Variants in IQUB observed in about 807,000 individuals in gnomAD.
IQUB encodes IQ motif and ubiquitin domain containing, also known as IQ motif and ubiquitin-like domain-containing protein.
IQUB carries 86 observed loss-of-function variants against 86.4 expected under a neutral mutation model. That is an observed-to-expected ratio of 1.00 (90% CI 0.84 to 1.19). The LOEUF (loss-of-function observed/expected upper bound fraction) is 1.19. Among genes scored for constraint, IQUB ranks in the 50% most tolerant of loss-of-function variants. The pLI, the probability that IQUB is intolerant of heterozygous loss-of-function variation, is 0.00. For missense variants in IQUB, 946 were observed against 916.9 expected (o/e 1.03, Z -0.41); for synonymous variants, 289 against 304.5 (o/e 0.95, Z 0.53).
Position 123,457,639 on chromosome 7 carries a change from T to C in IQUB, c.2008-73A>G. On this transcript the variant is annotated intron_variant, in intron 11 of 12. Transcript: ENST00000324698. ...AAGATTATTATATTACTTGAGCAAATAATTAAATTATAGAGTATTTTTAAG... is the reference window on the plus strand; with the variant it reads ...AAGATTATTATATTACTTGAGCAAACAATTAAATTATAGAGTATTTTTAAG... The C allele has an allele frequency of 9.2e-6, 10 of 1,090,086 alleles. No individual in the cohort carries two copies. In the South Asian group the frequency reaches 1.4e-4, roughly 16 times the overall value. The allele number at this position is 1,090,086 out of a possible 1,614,324, so 67.5% of individuals were successfully genotyped here.
intron 6 of IQUB, 59 bp downstream of exon 6, chr7:123,502,538 G>T (rs1329028951): frequency 6.8e-7 from 1 of 1,466,224 alleles, no homozygotes. Context: ...AGACACACTC[G>T]GAACAACTGG....
chr7:123,502,423 T>G (rs1795986184), intron 6 of IQUB, 174 bp downstream of exon 6: 5 of 588,812 alleles, frequency 8.5e-6, no homozygotes, highest in Non-Finnish European at 1.5e-5. Context: ...AGGATGCTGG[T>G]TCTTTACATG....
rs757437227 is a variant in IQUB, at chr7:123,461,618, T to TAA, written c.1759-15_1759-14dup. 1.2e-5 allele frequency: 18 copies of TAA among 1,537,260 alleles called. No individual in the cohort carries two copies. Among genetic ancestry groups the TAA allele is most frequent in the Admixed American group, 6.4e-5 (3 of 46,560 alleles). On this transcript the variant is annotated splice_polypyrimidine_tract_variant and intron_variant, in intron 10 of 12. Transcript: ENST00000324698. ...GGTCTTGAGGGACCTAAATAAATAG[T>TAA]AAAAAAAGAAAAAAAAGGTCTAAAA...
chr7:123,510,949 G>A (rs1796388673), intron 2 of IQUB, among the ~76,000 whole-genome samples: 1 of 152,092 alleles, frequency 6.6e-6, no homozygotes, highest in South Asian at 2.1e-4. Context: ...GGAGGTAAAG[G>A]ACCAAGACAA....
rs777619928 is a variant in IQUB at position 123,512,322 on chromosome 7, TCTC to T, written c.16_18del (p.Glu6del). 7.7e-6 allele frequency: 12 copies of T among 1,566,206 alleles called. No homozygotes were observed. Among genetic ancestry groups the T allele is most frequent in the East Asian group, 6.8e-5 (3 of 43,970 alleles). ...TTGACTATATTCTGAGCTTCATACT[TCTC>T]CTGTTGATTAGACATTTTCCTGAAT... On this transcript the variant is annotated inframe_deletion, in exon 2 of 13. Coordinates refer to ENST00000324698, the MANE Select transcript of IQUB (RefSeq NM_178827.5).
chr7:123,480,641 A>T (rs1353463302), intron 7 of IQUB, among the ~76,000 whole-genome samples: 1 of 151,826 alleles, frequency 6.6e-6, no homozygotes, highest in Non-Finnish European at 1.5e-5. Context: ...TCTCCCCTTT[A>T]TCTTTCACTT....
chr7:123,491,678 T>C (rs1795472308), intron 7 of IQUB, among the ~76,000 whole-genome samples: 1 of 152,190 alleles, frequency 6.6e-6, no homozygotes, highest in Admixed American at 6.6e-5. Context: ...ATTAAAGAAT[T>C]GAATTTATAG....
rs779912534 is a variant in IQUB at position 123,503,005 on chromosome 7, C to T, written c.806G>A (p.Gly269Glu). The change falls in exon 5 of 13, where the codon GGA (glycine) becomes GAA (glutamate). Residue 269 changes from glycine to glutamate, a missense_variant. Gly to Glu is a moderately conservative substitution (Grantham distance 98). Transcript: ENST00000324698. Reference sequence around the variant, plus strand: ...AATCCTTTTAGGTACAGTTTGTGTTCCAGCATTGTGATACTCTACTCCTGT... The same window carrying T: ...AATCCTTTTAGGTACAGTTTGTGTTTCAGCATTGTGATACTCTACTCCTGT... ...KVTGVEYHNA[G>E]TQTVPKRIPE... 6.2e-7 allele frequency: 1 copy of T among 1,613,036 alleles called. No homozygotes were observed. The highest frequency in any genetic ancestry group is 1.1e-5 in the South Asian group (1 of 91,010).
chr7:123,534,226 G>A (rs774273583), intron 1 of IQUB, among the ~76,000 whole-genome samples: 2 of 152,208 alleles, frequency 1.3e-5, no homozygotes, highest in African/African-American at 4.8e-5. Flanking sequence ...CAGGGTGTGA[G>A]GTGAGGTGTA....
Position 123,457,491 on chromosome 7 carries a change from C to A in IQUB, c.2083G>T (p.Asp695Tyr). 2 of 1,611,300 alleles carry A rather than the reference C, an allele frequency of 1.2e-6. No homozygotes were observed. The highest frequency in any genetic ancestry group is 2.2e-5 in the South Asian group (2 of 90,616). ...TTATTCCATCTGACCATGACCAGATCACTGAGATTGTCGCAAGCACTGAGG... is the reference window on the plus strand; with the variant it reads ...TTATTCCATCTGACCATGACCAGATAACTGAGATTGTCGCAAGCACTGAGG... ...SVLSACDNLSDLVMVRWNKSL... is the reference protein window; with the variant it reads ...SVLSACDNLSYLVMVRWNKSL... The change falls in exon 12 of 13, where the codon GAT (aspartate) becomes TAT (tyrosine). Residue 695 changes from aspartate (D) to tyrosine (Y), a missense_variant. Coordinates refer to ENST00000324698, the MANE Select transcript of IQUB (RefSeq NM_178827.5).
chr7:123,488,193 T>C (rs1221707864), intron 7 of IQUB, among the ~76,000 whole-genome samples: 1 of 151,384 alleles, frequency 6.6e-6, no homozygotes, highest in East Asian at 2.0e-4. Flanking sequence ...ATAAAAAAAT[T>C]ATCCGGGCGC....
chr7:123,523,529 T>G (rs1438596514), intron 1 of IQUB, among the ~76,000 whole-genome samples: 2 of 152,324 alleles, frequency 1.3e-5, no homozygotes, highest in African/African-American at 4.8e-5. Flanking sequence ...TCATCTCCTT[T>G]GCCCACTTTT....
At chr7:123,479,280 T>C (rs200420304) in intron 8 of IQUB, among the ~76,000 whole-genome samples, 2 of 152,262 alleles carry the variant, frequency 1.3e-5, no homozygotes, top group South Asian at 2.1e-4. Flanking sequence ...CTTTAGTTTT[T>C]TTCCTTAATT....
chr7:123,516,948 A>G (rs892459151), intron 1 of IQUB, among the ~76,000 whole-genome samples: 5 of 152,172 alleles, frequency 3.3e-5, no homozygotes, highest in African/African-American at 1.2e-4. Context: ...GTCAGAATAG[A>G]TAAGACTCCT....
intron 1 of IQUB, among the ~76,000 whole-genome samples, chr7:123,525,667 A>C (rs1371760672): frequency 1.3e-5 from 2 of 151,856 alleles, no homozygotes; most frequent in Non-Finnish European, 2.9e-5. Flanking sequence ...TGGATTCATT[A>C]ATTTTTTGAA....
At chr7:123,506,148 C>T (rs1300346176) in intron 3 of IQUB, among the ~76,000 whole-genome samples, 1 of 152,200 alleles carries the variant, frequency 6.6e-6, no homozygotes, top group Non-Finnish European at 1.5e-5. Context: ...ATGAGTTCCT[C>T]ATTTCCATCT....
chr7:123,493,438 G>A (rs1304754275), intron 7 of IQUB, among the ~76,000 whole-genome samples: 1 of 152,116 alleles, frequency 6.6e-6, no homozygotes, highest in African/African-American at 2.4e-5. Flanking sequence ...TTATGAGGGA[G>A]AGAGAGATTG....
intron 12 of IQUB, among the ~76,000 whole-genome samples, chr7:123,454,473 T>C (rs1247573674): frequency 6.6e-6 from 1 of 152,084 alleles, no homozygotes; most frequent in African/African-American, 2.4e-5. Flanking sequence ...TATACTTACA[T>C]ACACATAGAA....
chr7:123,471,628 GT>G (rs1443771364), intron 8 of IQUB, among the ~76,000 whole-genome samples: 1 of 145,988 alleles, frequency 6.8e-6, no homozygotes, highest in African/African-American at 2.6e-5. Flanking sequence ...ATTTAACTCT[GT>G]TTTCCCCCCC....
Sources: gnomAD v4.1 joint callset for allele counts (sites outside exome capture counted in the v4.1 genomes callset) on GRCh38, gnomAD v4.1.1 for gene constraint, MANE v1.5 for transcripts, NCBI Gene and HGNC (gene_info 2026-07-23, HGNC 2026-07-21) for gene names.